SIRPG: variants seen among roughly 807,000 people sequenced by gnomAD.
SIRPG encodes signal-regulatory protein gamma.
In SIRPG, 38 loss-of-function variants were observed where a neutral mutation model predicts 35.7. The ratio of observed to expected loss-of-function variants is 1.06; its 90% confidence interval spans 0.82 to 1.40. The LOEUF is 1.40. Ranked by LOEUF, SIRPG falls within the 40% of genes most tolerant of loss-of-function variation. SIRPG has a pLI of 0.00. For synonymous variants in SIRPG, 215 were observed against 190.4 expected, an observed-to-expected ratio of 1.13 and a Z score of -1.06; for missense variants, 519 against 483.0, an observed-to-expected ratio of 1.07 and a Z score of -0.70.
chr20:1,630,077 T>C (rs2091736518), intron 5 of SIRPG, 145 bp downstream of exon 5: 1 of 655,616 alleles, frequency 1.5e-6, no homozygotes, highest in Non-Finnish European at 2.7e-6. Context: ...TGGGAGCCTT[T>C]TAAAGGGTTC....
the SIRPG span, among the ~76,000 whole-genome samples, chr20:1,668,425 G>A: frequency 1.3e-5 from 2 of 151,784 alleles, no homozygotes; most frequent in Admixed American, 1.3e-4. Flanking sequence ...TGAGACTACA[G>A]GCACACACCC....
intron 1 of SIRPG, among the ~76,000 whole-genome samples, chr20:1,653,249 T>C (rs1355538776): frequency 6.6e-6 from 1 of 152,230 alleles, no homozygotes; most frequent in Non-Finnish European, 1.5e-5. Context: ...ATCGTAGCTC[T>C]ACCAGTTACC....
chr20:1,674,574 G>A, the SIRPG span, among the ~76,000 whole-genome samples: 2 of 152,166 alleles, frequency 1.3e-5, no homozygotes, highest in African/African-American at 4.8e-5. Context: ...GCTCCTGCCT[G>A]CCCTGCACTA....
chr20:1,659,901 C>T (rs529604730), upstream of SIRPG, among the ~76,000 whole-genome samples: 27 of 152,232 alleles, frequency 1.8e-4, no homozygotes, highest in East Asian at 4.8e-3. Context: ...CCTGGGAAGA[C>T]GGAAGTGCAA....
chr20:1,658,999 T>C (rs1251012710), upstream of SIRPG, among the ~76,000 whole-genome samples: 2 of 152,242 alleles, frequency 1.3e-5, no homozygotes, highest in African/African-American at 2.4e-5. Flanking sequence ...ACTACTTCTC[T>C]GAGCCTTGGT....
the SIRPG span, among the ~76,000 whole-genome samples, chr20:1,666,866 A>G: frequency 1.3e-5 from 2 of 152,138 alleles, no homozygotes; most frequent in South Asian, 2.1e-4. Flanking sequence ...AAAATATTTT[A>G]TATCATACAT....
chr20:1,677,805 A>T, the SIRPG span, among the ~76,000 whole-genome samples: 2 of 152,206 alleles, frequency 1.3e-5, no homozygotes. Flanking sequence ...GTCAAAAAAT[A>T]CAAAATTGAA....
At chr20:1,634,661 AC>A (rs2091778031) in intron 4 of SIRPG, among the ~76,000 whole-genome samples, 1 of 152,186 alleles carries the variant, frequency 6.6e-6, no homozygotes, top group South Asian at 2.1e-4. Flanking sequence ...CTGATGAGAA[AC>A]GGGCACAACA....
chr20:1,646,758 C>T (rs2091900669), intron 2 of SIRPG: 1 of 152,292 alleles, frequency 6.6e-6, no homozygotes, highest in Non-Finnish European at 1.5e-5. Context: ...AACGATTCTC[C>T]TGCCTCAGCC....
chr20:1,671,108 A>G, the SIRPG span: 4 of 428,870 alleles, frequency 9.3e-6, no homozygotes, highest in East Asian at 7.2e-5. Context: ...TTTCAGGGGG[A>G]GAAGCCGTGG....
chr20:1,680,219 G>A, the SIRPG span, among the ~76,000 whole-genome samples: 1 of 152,306 alleles, frequency 6.6e-6, no homozygotes, highest in African/African-American at 2.4e-5. Flanking sequence ...GCCTGTTGGA[G>A]TCTCTTCACC....
At chr20:1,642,072 AT>A (rs2091856669) in intron 2 of SIRPG, among the ~76,000 whole-genome samples, 1 of 152,176 alleles carries the variant, frequency 6.6e-6, no homozygotes, top group Admixed American at 6.5e-5. Flanking sequence ...TTTTCTGTTG[AT>A]TTGGGGTGGA....
chr20:1,635,171 G>A (rs1001812373), intron 4 of SIRPG, 96 bp downstream of exon 4: 16 of 1,018,464 alleles, frequency 1.6e-5, no homozygotes, highest in South Asian at 1.4e-4. Flanking sequence ...ATTTTACTTT[G>A]TATTTATAGA....
the SIRPG span, among the ~76,000 whole-genome samples, chr20:1,677,414 A>G: frequency 6.6e-6 from 1 of 152,200 alleles, no homozygotes; most frequent in African/African-American, 2.4e-5. Context: ...CAAATGCAAG[A>G]ACCTCTATGG....
chr20:1,675,947 T>C, the SIRPG span, among the ~76,000 whole-genome samples: 1 of 152,128 alleles, frequency 6.6e-6, no homozygotes, highest in Non-Finnish European at 1.5e-5. Flanking sequence ...ATGAGGAGAC[T>C]CTGGCACAGC....
chr20:1,651,727 T>C (rs1274325444), intron 1 of SIRPG, among the ~76,000 whole-genome samples: 1 of 152,186 alleles, frequency 6.6e-6, no homozygotes, highest in Non-Finnish European at 1.5e-5. Flanking sequence ...GAGAAGGTTT[T>C]TTTTTTGCCC....
intron 5 of SIRPG, among the ~76,000 whole-genome samples, chr20:1,629,915 C>T: frequency 6.6e-6 from 1 of 152,170 alleles, no homozygotes; most frequent in East Asian, 1.9e-4. Flanking sequence ...TCTCTGACCC[C>T]ATGGAGTCCC....
At chr20:1,644,403 G>A (rs983588013) in intron 2 of SIRPG, among the ~76,000 whole-genome samples, 15 of 152,220 alleles carry the variant, frequency 9.9e-5, no homozygotes, top group African/African-American at 3.6e-4. Context: ...AAGCCATCTA[G>A]CCTCCCTGGC....
chr20:1,684,852 G>C, the SIRPG span, among the ~76,000 whole-genome samples: 16 of 147,358 alleles, frequency 1.1e-4, no homozygotes, highest in South Asian at 1.7e-3. Context: ...GGGATGTTGT[G>C]AGGATTAGTA....
Sources: gnomAD v4.1 joint callset for allele counts (sites outside exome capture counted in the v4.1 genomes callset) on GRCh38, gnomAD v4.1.1 for gene constraint, MANE v1.5 for transcripts, NCBI Gene and HGNC (gene_info 2026-07-23, HGNC 2026-07-21) for gene names.